ARHGAP22: variants seen among roughly 807,000 people sequenced by gnomAD.
ARHGAP22 encodes the protein rho GTPase-activating protein 22.
ARHGAP22 carries 48 observed loss-of-function variants against 59.1 expected under a neutral mutation model. The ratio of observed to expected loss-of-function variants is 0.81; its 90% CI spans 0.64 to 1.03. The LOEUF (loss-of-function observed/expected upper bound fraction) is 1.03. Ranked by LOEUF, ARHGAP22 falls within the 50% of genes least tolerant of loss-of-function variation. The pLI is 0.00. For synonymous variants in ARHGAP22, 445 were observed against 416.4 expected (o/e 1.07, Z -0.84); for missense variants, 1,015 against 958.7 (o/e 1.06, Z -0.78).
rs536391816 is a variant in ARHGAP22, at chr10:48,450,540, G to T, written c.1589C>A (p.Thr530Lys). 6.6e-7 allele frequency: 1 copy of T among 1,519,600 alleles called. No homozygotes were observed. The highest frequency in any genetic ancestry group is 2.5e-5 in the East Asian group (1 of 40,800). The allele number at this position is 1,519,600 out of a possible 1,614,324, so 94.1% of individuals were successfully genotyped here. The change falls in exon 9 of 10, where the codon ACG becomes AAG. Residue 530 changes from threonine to lysine, a missense_variant. By Grantham distance (78) the Thr-to-Lys change is moderately conservative (BLOSUM62 -1). Transcript: ENST00000249601. ...AGACGAGTCGCTGGCGCGGCAGGCC[G>T]TGCAGCTGCTGAGTGAGCCCCCCAC... The part of the protein sequence containing the change: ...SSVGGSLSSC[T>K]ACRASDSSAR...
At chr10:48,444,829 A>AAAG, downstream of ARHGAP22, 1 of 152,318 alleles carries the variant, frequency 6.6e-6, no homozygotes, top group Non-Finnish European at 1.5e-5. Flanking sequence ...GTGAGGACTC[A>AAAG]AAGTCACCTC....
At chr10:48,504,272 C>T (rs1267963537) in intron 3 of ARHGAP22, among the ~76,000 whole-genome samples, 1 of 152,234 alleles carries the variant, frequency 6.6e-6, no homozygotes, top group African/African-American at 2.4e-5. Context: ...TGGACCCATG[C>T]AGGAAACCTG....
At chr10:48,473,186 T>C (rs557624927) in intron 4 of ARHGAP22, among the ~76,000 whole-genome samples, 34 of 152,352 alleles carry the variant, frequency 2.2e-4, no homozygotes, top group African/African-American at 8.2e-4. Context: ...AATTCCAATA[T>C]TCCACATAGA....
chr10:48,551,961 T>C (rs1216563550), intron 3 of ARHGAP22, among the ~76,000 whole-genome samples: 2 of 152,236 alleles, frequency 1.3e-5, no homozygotes, highest in Non-Finnish European at 1.5e-5. Flanking sequence ...TATCTAGCTG[T>C]GCTGGCTGAA....
chr10:48,524,665 G>A lies in ARHGAP22; in HGVS notation c.322+30798C>T, dbSNP rs143142999. ...TTTGTCGGGGGTGTTCAGGACCACCGAGCTCTCAGTTTCCCAGCTCACCTG... is the reference window on the plus strand; with the variant it reads ...TTTGTCGGGGGTGTTCAGGACCACCAAGCTCTCAGTTTCCCAGCTCACCTG... On this transcript the variant is annotated intron_variant, in intron 3 of 9. Coordinates refer to ENST00000249601, the MANE Select transcript of ARHGAP22 (RefSeq NM_021226.4). Among the ~76,000 whole-genome samples the A allele has an allele frequency of 8.5e-3, 1,293 of 152,246 alleles. 18 individuals carry two copies. The highest frequency in any genetic ancestry group is 0.03 in the African/African-American group (1,239 of 41,564).
At chr10:48,553,065 C>A (rs2057022387) in intron 3 of ARHGAP22, among the ~76,000 whole-genome samples, 1 of 152,206 alleles carries the variant, frequency 6.6e-6, no homozygotes, top group Non-Finnish European at 1.5e-5. Context: ...CCTCCCAGGT[C>A]CCATCTGAGC....
chr10:48,636,235 C>T (rs1007635066), intron 1 of ARHGAP22, among the ~76,000 whole-genome samples: 27 of 152,280 alleles, frequency 1.8e-4, no homozygotes, highest in African/African-American at 6.5e-4. Flanking sequence ...TGGTGGCTGT[C>T]GATAAAGGCA....
chr10:48,610,940 T>C (rs1217446490), intron 1 of ARHGAP22, among the ~76,000 whole-genome samples: 1 of 152,186 alleles, frequency 6.6e-6, no homozygotes, highest in Admixed American at 6.5e-5. Flanking sequence ...AGAAGCAGGC[T>C]CAGAGCGGCT....
intron 1 of ARHGAP22, among the ~76,000 whole-genome samples, chr10:48,610,393 T>C (rs1414823902): frequency 6.6e-6 from 1 of 152,132 alleles, no homozygotes; most frequent in Non-Finnish European, 1.5e-5. Flanking sequence ...TTGCAACCTG[T>C]ATCCTTGGGC....
At chr10:48,442,474 T>C (rs1394663659), downstream of ARHGAP22, among the ~76,000 whole-genome samples, 1 of 152,234 alleles carries the variant, frequency 6.6e-6, no homozygotes, top group Admixed American at 6.5e-5. Context: ...GAGTTTGATG[T>C]GAACCAAGTG....
chr10:48,624,548 T>C (rs2061383722), intron 1 of ARHGAP22: 1 of 152,228 alleles, frequency 6.6e-6, no homozygotes, highest in Non-Finnish European at 1.5e-5. Flanking sequence ...TTGGGCCCCA[T>C]TTAAGCTCCA....
chr10:48,588,019 G>A (rs772671076), intron 1 of ARHGAP22, among the ~76,000 whole-genome samples: 2 of 152,260 alleles, frequency 1.3e-5, no homozygotes, highest in Non-Finnish European at 2.9e-5. Flanking sequence ...CTGGCTGAGA[G>A]CAGGATCTTG....
At chr10:48,565,461 G>A (rs939823447) in intron 2 of ARHGAP22, among the ~76,000 whole-genome samples, 1 of 152,166 alleles carries the variant, frequency 6.6e-6, no homozygotes, top group Admixed American at 6.5e-5. Flanking sequence ...GGTGTTTTGA[G>A]GATTTCCCCA....
chr10:48,577,801 G>GTTTTT (rs34557935), intron 2 of ARHGAP22, among the ~76,000 whole-genome samples: 5 of 59,162 alleles, frequency 8.5e-5, no homozygotes, highest in Admixed American at 2.9e-4. Context: ...CTCTTTTTTG[G>GTTTTT]TTTTTTTTTT....
the ARHGAP22 span, among the ~76,000 whole-genome samples, chr10:48,434,350 G>T: frequency 1.4e-4 from 22 of 152,058 alleles, 1 homozygote; most frequent in East Asian, 1.2e-3. Context: ...TTTATTCCTT[G>T]TCTTGGCATT....
intron 2 of ARHGAP22, among the ~76,000 whole-genome samples, chr10:48,560,491 A>G (rs903858886): frequency 6.6e-6 from 1 of 152,130 alleles, no homozygotes. Context: ...AACAACTTTC[A>G]TTTCTTTTTC....
intron 1 of ARHGAP22, among the ~76,000 whole-genome samples, chr10:48,598,456 C>T (rs2060197602): frequency 6.6e-6 from 1 of 152,238 alleles, no homozygotes. Context: ...CTGCCCAGCA[C>T]ACAGCTGGCA....
chr10:48,563,451 A>G (rs527485493), intron 2 of ARHGAP22, among the ~76,000 whole-genome samples: 3 of 152,064 alleles, frequency 2.0e-5, no homozygotes, highest in Non-Finnish European at 4.4e-5. Flanking sequence ...CGGCCTCCCA[A>G]AGTGCTGGGA....
intron 1 of ARHGAP22, among the ~76,000 whole-genome samples, chr10:48,644,885 T>C (rs1342242563): frequency 2.0e-5 from 3 of 149,766 alleles, no homozygotes; most frequent in Non-Finnish European, 4.5e-5. Context: ...TAAATCTAAA[T>C]CAAGCAGAAA....
Sources: gnomAD v4.1 joint callset for allele counts (sites outside exome capture counted in the v4.1 genomes callset) on GRCh38, gnomAD v4.1.1 for gene constraint, MANE v1.5 for transcripts, NCBI Gene and HGNC (gene_info 2026-07-23, HGNC 2026-07-21) for gene names.